The following RAVER2 variants were observed in gnomAD, a reference collection of about 807,000 sequenced individuals.
The protein encoded by RAVER2 is ribonucleoprotein PTB-binding 2.
A neutral mutation model predicts 78.1 loss-of-function variants in RAVER2; 46 were observed. The ratio of observed to expected loss-of-function variants is 0.59; its 90% CI spans 0.46 to 0.75. The LOEUF (loss-of-function observed/expected upper bound fraction) is 0.75. RAVER2 is among the 30% of genes least tolerant of loss of function. The probability of loss-of-function intolerance (pLI) is 0.00; values close to 1 mark genes in which losing one functional copy is unlikely to be tolerated. For synonymous variants in RAVER2, 311 were observed against 313.3 expected (o/e 0.99, Z 0.08); for missense variants, 793 against 837.5 (o/e 0.95, Z 0.66).
chr1:64,780,711 C>G (rs1652603567), intron 3 of RAVER2, among the ~76,000 whole-genome samples: 1 of 152,138 alleles, frequency 6.6e-6, no homozygotes, highest in Non-Finnish European at 1.5e-5. Flanking sequence ...TTGTACCAGT[C>G]TTTTCAGATC....
intron 5 of RAVER2, among the ~76,000 whole-genome samples, chr1:64,792,402 A>G (rs1482305619): frequency 3.3e-5 from 5 of 152,214 alleles, no homozygotes; most frequent in African/African-American, 7.2e-5. Flanking sequence ...AAGATTATGT[A>G]TTAGTGTCTA....
intron 11 of RAVER2, among the ~76,000 whole-genome samples, chr1:64,818,772 C>T (rs1653815301): frequency 6.6e-6 from 1 of 152,046 alleles, no homozygotes; most frequent in Non-Finnish European, 1.5e-5. Context: ...GGACTGTTAG[C>T]AAGGCTGTTA....
At chr1:64,746,027 C>T (rs1169804224) in intron 1 of RAVER2, among the ~76,000 whole-genome samples, 4 of 152,226 alleles carry the variant, frequency 2.6e-5, no homozygotes, top group Admixed American at 1.3e-4. Context: ...CCTCCTGCTA[C>T]GCCAAGTACA....
intron 2 of RAVER2, among the ~76,000 whole-genome samples, chr1:64,774,430 G>T (rs1652407203): frequency 6.6e-6 from 1 of 152,290 alleles, no homozygotes; most frequent in African/African-American, 2.4e-5. Flanking sequence ...TTCTTAAATA[G>T]GGAATCCTTT....
intron 11 of RAVER2, among the ~76,000 whole-genome samples, chr1:64,819,602 G>A (rs1653834871): frequency 6.6e-6 from 1 of 152,200 alleles, no homozygotes; most frequent in Non-Finnish European, 1.5e-5. Flanking sequence ...TTCCAAATTT[G>A]CTTCAAAAAA....
intron 1 of RAVER2, among the ~76,000 whole-genome samples, chr1:64,747,892 C>T (rs72918060): frequency 0.022 from 3,397 of 152,186 alleles, 146 homozygotes; most frequent in African/African-American, 0.078. Flanking sequence ...GTATTTATGT[C>T]TCTAGAAAAT....
chr1:64,790,997 A>G (rs1419923281), intron 5 of RAVER2, among the ~76,000 whole-genome samples: 6 of 152,310 alleles, frequency 3.9e-5, no homozygotes, highest in African/African-American at 1.2e-4. Context: ...AACTAACTAC[A>G]AATTTGGGAG....
chr1:64,767,986 G>A (rs1421212527), intron 1 of RAVER2, among the ~76,000 whole-genome samples: 1 of 151,996 alleles, frequency 6.6e-6, no homozygotes, highest in East Asian at 1.9e-4. Flanking sequence ...ACATCTTGGG[G>A]AGCCAAGGGG....
chr1:64,779,473 ATCT>A (rs559095680), intron 3 of RAVER2, among the ~76,000 whole-genome samples: 21 of 151,926 alleles, frequency 1.4e-4, no homozygotes, highest in East Asian at 9.7e-4. Context: ...GGTTCAAGCG[ATCT>A]TCTTGTCTCA....
chr1:64,785,868 G>T (rs75361319), intron 4 of RAVER2, among the ~76,000 whole-genome samples: 3,216 of 151,878 alleles, frequency 0.021, 131 homozygotes, highest in African/African-American at 0.074. Context: ...TTATGATATT[G>T]TGTACCTCAA....
At chr1:64,770,939 G>C (rs1479495887) in intron 2 of RAVER2, among the ~76,000 whole-genome samples, 1 of 151,944 alleles carries the variant, frequency 6.6e-6, no homozygotes, top group Non-Finnish European at 1.5e-5. Flanking sequence ...TCAGTGAACT[G>C]TGGGACAGCT....
chr1:64,819,961 A>G (rs1464954377), intron 11 of RAVER2, among the ~76,000 whole-genome samples: 1 of 152,246 alleles, frequency 6.6e-6, no homozygotes, highest in Non-Finnish European at 1.5e-5. Flanking sequence ...TGACTAAAAA[A>G]GACTATATAT....
chr1:64,807,571 A>T (rs1653480454), intron 9 of RAVER2, 97 bp downstream of exon 9: 1 of 1,225,860 alleles, frequency 8.2e-7, no homozygotes, highest in African/African-American at 1.5e-5. Flanking sequence ...CAATGAAATG[A>T]TGACTTTTTC....
At chr1:64,805,170 C>G in intron 8 of RAVER2, 65 bp downstream of exon 8, 2 of 1,408,264 alleles carry the variant, frequency 1.4e-6, no homozygotes, top group Non-Finnish European at 2.0e-6. Context: ...AGATAGTTTA[C>G]CTATGTTCTA....
chr1:64,749,966 T>C (rs1012163516), intron 1 of RAVER2, among the ~76,000 whole-genome samples: 1 of 152,236 alleles, frequency 6.6e-6, no homozygotes, highest in Non-Finnish European at 1.5e-5. Context: ...TGTGTGCATG[T>C]GTTTTGTTTT....
chr1:64,824,494 A>G (rs999065940), intron 11 of RAVER2, among the ~76,000 whole-genome samples: 7 of 152,234 alleles, frequency 4.6e-5, no homozygotes, highest in African/African-American at 1.7e-4. Flanking sequence ...ACCATACAAA[A>G]TATGTTTTAA....
At chr1:64,832,672 G>A (rs991639150) in exon 12 of RAVER2, 2 of 152,102 alleles carry the variant, frequency 1.3e-5, no homozygotes, top group African/African-American at 4.8e-5. Flanking sequence ...CTAATTTATT[G>A]CATATACTAG....
rs138955273 is a variant in RAVER2, at chr1:64,818,179, T to C, written c.1929+3339T>C. 3.7e-3 allele frequency among the ~76,000 whole-genome samples: 567 copies of C among 152,318 alleles called. 3 individuals carry two copies. The highest frequency in any genetic ancestry group is 6.1e-3 in the Non-Finnish European group (415 of 68,034). On this transcript the variant is annotated intron_variant, in intron 11 of 11. Coordinates refer to ENST00000294428, the Ensembl canonical transcript of RAVER2. ...AAAACTATCAGATTTAAAAACCTAA[T>C]TGGCATTTCCATTATTGATGTTGTT...
chr1:64,753,509 C>G (rs1221618812), intron 1 of RAVER2, among the ~76,000 whole-genome samples: 1 of 148,914 alleles, frequency 6.7e-6, no homozygotes, highest in African/African-American at 2.5e-5. Flanking sequence ...TACCCTCTGG[C>G]AATGTATAGA....
Sources: allele counts gnomAD v4.1 joint callset (sites outside exome capture counted in the v4.1 genomes callset), GRCh38; gene constraint gnomAD v4.1.1; transcripts MANE v1.5; gene names NCBI Gene and HGNC (gene_info 2026-07-23, HGNC 2026-07-21).